The following LRRC37A3 variants were observed in gnomAD, a reference collection of about 807,000 sequenced individuals.
LRRC37A3 encodes leucine-rich repeat-containing protein 37A3.
LRRC37A3 carries 25 observed loss-of-function variants against 106.2 expected under a neutral mutation model. The observed-to-expected ratio is 0.24, with a 90% CI of 0.17 to 0.33. The LOEUF is 0.33. LRRC37A3 is among the 10% of genes least tolerant of loss of function. The pLI is 1.00. For missense variants in LRRC37A3, 712 were observed against 1,644.9 expected, an observed-to-expected ratio of 0.43 and a Z score of 9.81; for synonymous variants, 305 against 635.8, an observed-to-expected ratio of 0.48 and a Z score of 7.83.
chr17:64,868,425 A>G, intron 10 of LRRC37A3, 37 bp downstream of exon 10: 2 of 1,607,236 alleles, frequency 1.2e-6, no homozygotes, highest in Non-Finnish European at 1.7e-6. Flanking sequence ...TAAAGAAACA[A>G]CTACGTAAAA....
chr17:64,888,334 T>C (rs1973885850), intron 6 of LRRC37A3, among the ~76,000 whole-genome samples: 1 of 151,754 alleles, frequency 6.6e-6, no homozygotes, highest in African/African-American at 2.4e-5. Flanking sequence ...TTTTTCCTCT[T>C]CTATGTTCGA....
At chr17:64,861,090 T>G in intron 11 of LRRC37A3, 117 bp from the exon 12 acceptor site, 1 of 1,529,588 alleles carries the variant, frequency 6.5e-7, no homozygotes. Flanking sequence ...CGAGTGCCAT[T>G]CAGAGAGGAG....
intron 2 of LRRC37A3, among the ~76,000 whole-genome samples, chr17:64,915,373 T>C (rs1181599344): frequency 1.3e-5 from 2 of 152,034 alleles, no homozygotes; most frequent in Non-Finnish European, 2.9e-5. Flanking sequence ...GCCAATCCAC[T>C]ACCTGTTTTT....
At chr17:64,911,170 AC>A (rs2143624219) in intron 2 of LRRC37A3, among the ~76,000 whole-genome samples, 1 of 151,236 alleles carries the variant, frequency 6.6e-6, no homozygotes, top group East Asian at 2.0e-4. Flanking sequence ...AGGAGAAACA[AC>A]CGTTTGCATT....
intron 8 of LRRC37A3, among the ~76,000 whole-genome samples, chr17:64,876,548 CATAAAAAGGATTATAATATGA>C (rs1396260492): frequency 6.6e-6 from 1 of 151,844 alleles, no homozygotes; most frequent in East Asian, 1.9e-4. Context: ...TTCTTAGAGA[CATAAAAAGGATTATAATATGA>C]ATAAAAAGGA....
rs750546807 is a variant in LRRC37A3 at position 64,916,472 on chromosome 17, TTAAA to T, written c.-496+2274_-496+2277del. ...AAAGAAAGCAACCCAATTAAACATC[TTAAA>T]TAAAGATTTTGGTATCTTGGCCAGG... On this transcript the variant is annotated intron_variant, in intron 2 of 14. Transcript: ENST00000584306. Among the ~76,000 whole-genome samples, 777 of 151,544 alleles carry T rather than the reference TTAAA, an allele frequency of 5.1e-3. 4 individuals are homozygous for T. Among genetic ancestry groups the T allele is most frequent in the African/African-American group, 0.018 (747 of 41,226 alleles).
intron 8 of LRRC37A3, among the ~76,000 whole-genome samples, chr17:64,869,532 ATTT>A (rs1157660467): frequency 2.4e-5 from 3 of 125,102 alleles, no homozygotes; most frequent in Admixed American, 8.0e-5. Context: ...TTGTTCATCT[ATTT>A]TTTTTTTTTT....
chr17:64,863,050 C>T (rs369699727), intron 10 of LRRC37A3, 32 bp from the exon 11 acceptor site: 17 of 1,597,138 alleles, frequency 1.1e-5, no homozygotes, highest in East Asian at 2.2e-5. Context: ...AATAAATTAG[C>T]GGTAAAGCGG....
intron 10 of LRRC37A3, 98 bp from the exon 11 acceptor site, chr17:64,863,116 A>G (rs1170858044): frequency 1.0e-5 from 16 of 1,528,356 alleles, no homozygotes; most frequent in Non-Finnish European, 1.4e-5. Context: ...GGAAAAAGGT[A>G]TCATTGAAGC....
At chr17:64,877,347 G>A (rs1205069379) in intron 8 of LRRC37A3, among the ~76,000 whole-genome samples, 24 of 152,014 alleles carry the variant, frequency 1.6e-4, no homozygotes, top group Non-Finnish European at 1.9e-4. Flanking sequence ...GATTATAGGC[G>A]CCTGCCACCA....
rs376119128 is a variant in LRRC37A3, at chr17:64,854,527, C to G, written c.*72G>C. 1 of 1,610,460 alleles carries G rather than the reference C, an allele frequency of 6.2e-7. No homozygotes were observed. Among genetic ancestry groups the G allele is most frequent in the Non-Finnish European group, 8.5e-7 (1 of 1,176,772 alleles). ...GGATGTGTGGGCCGCTGGCTTCAGT[C>G]CTGCTTTTTTGATGGCCGTTGTTTA... On this transcript the variant is annotated 3_prime_UTR_variant, in exon 15 of 15. Coordinates refer to ENST00000584306, the MANE Select transcript of LRRC37A3 (RefSeq NM_199340.5).
Position 64,854,554 on chromosome 17 carries a change from G to A in LRRC37A3, c.*45C>T, listed in dbSNP as rs370541268. ...TGCTTTTTTGATGGCCGTTGTTTAC[G>A]CTATGTATTTTTGCAGGAGGCCTGA... On this transcript the variant is annotated 3_prime_UTR_variant, in exon 15 of 15. Transcript: ENST00000584306. 151 of 1,613,580 alleles carry A rather than the reference G, an allele frequency of 9.4e-5. No individual in the cohort carries two copies. The highest frequency in any genetic ancestry group is 8.5e-4 in the African/African-American group (64 of 75,006).
At chr17:64,866,616 ATATATATATATATT>A (rs1330241964) in intron 10 of LRRC37A3, among the ~76,000 whole-genome samples, 1 of 23,772 alleles carries the variant, frequency 4.2e-5, no homozygotes, top group African/African-American at 2.1e-4. Flanking sequence ...ATATATATAT[ATATATATATATATT>A]TTTTTTTTTT....
At chr17:64,855,012 T>C (rs1242966833) in intron 14 of LRRC37A3, among the ~76,000 whole-genome samples, 2 of 152,168 alleles carry the variant, frequency 1.3e-5, no homozygotes, top group African/African-American at 4.8e-5. Context: ...TAATTTAGTA[T>C]TTTTAGTAGA....
At chr17:64,862,647 C>T (rs1330774461) in intron 11 of LRRC37A3, among the ~76,000 whole-genome samples, 1 of 152,002 alleles carries the variant, frequency 6.6e-6, no homozygotes, top group Non-Finnish European at 1.5e-5. Context: ...AATGTTATTC[C>T]CTAGCCTTCC....
At chr17:64,862,165 A>T (rs185059266) in intron 11 of LRRC37A3, among the ~76,000 whole-genome samples, 2 of 152,288 alleles carry the variant, frequency 1.3e-5, no homozygotes, top group African/African-American at 4.8e-5. Flanking sequence ...ACCAAGCATT[A>T]TTAATTATCC....
At position 64,860,455 on chromosome 17, in the gene LRRC37A3, C is replaced by T. The variant is rs767843774; in HGVS notation, c.3691G>A (p.Val1231Ile). 83 of 1,613,384 alleles carry T rather than the reference C, an allele frequency of 5.1e-5. 1 individual carries two copies. The highest frequency in any genetic ancestry group is 1.1e-4 in the South Asian group (10 of 91,040). ...QGPEKLAGNA[V>I]YTKPSFTQEH... ...TGGGTGAACGAAGGCTTGGTGTAGA[C>T]GGCGTTTCCCGCTAACTTCTCAGGC... is the stretch of plus-strand genomic sequence containing the variant. The change falls in exon 12 of 15, where the codon GTC (valine) becomes ATC (isoleucine). Residue 1231 changes from valine to isoleucine, a missense_variant. Physicochemically the swap from Val to Ile is conservative, Grantham distance 29 (BLOSUM62 3). Coordinates refer to ENST00000584306, the MANE Select transcript of LRRC37A3 (RefSeq NM_199340.5).
At chr17:64,874,638 G>A (rs1174583801) in intron 8 of LRRC37A3, among the ~76,000 whole-genome samples, 5 of 152,250 alleles carry the variant, frequency 3.3e-5, no homozygotes, top group Non-Finnish European at 5.9e-5. Flanking sequence ...TGACGATGGC[G>A]GTTTTGTTGA....
At chr17:64,912,917 A>T (rs1360009715) in intron 2 of LRRC37A3, among the ~76,000 whole-genome samples, 5 of 146,728 alleles carry the variant, frequency 3.4e-5, no homozygotes, top group South Asian at 4.3e-4. Context: ...GAATATCATG[A>T]TATCTAGATT....
Sources: gnomAD v4.1 joint callset for allele counts (sites outside exome capture counted in the v4.1 genomes callset) on GRCh38, gnomAD v4.1.1 for gene constraint, MANE v1.5 for transcripts, NCBI Gene and HGNC (gene_info 2026-07-23, HGNC 2026-07-21) for gene names.